LRRC14: variants seen among roughly 807,000 people sequenced by gnomAD.
The protein encoded by LRRC14 is leucine-rich repeat-containing protein 14.
Under a neutral mutation model 25.3 loss-of-function variants are expected in LRRC14, and 16 were observed. That is an observed-to-expected ratio of 0.63 (90% CI 0.43 to 0.96). LRRC14 has a LOEUF of 0.96. LRRC14 is among the 40% of genes least tolerant of loss of function. The probability of loss-of-function intolerance (pLI) is 0.00; values close to 1 mark genes in which losing one functional copy is unlikely to be tolerated. For missense variants in LRRC14, 594 were observed against 660.5 expected, an observed-to-expected ratio of 0.90 and a Z score of 1.10; for synonymous variants, 359 against 295.1, an observed-to-expected ratio of 1.22 and a Z score of -2.22.
In LRRC14 at chr8:144,524,119, G is replaced by A; in HGVS notation, c.*2641G>A. 1 of 1,600,620 alleles carries A rather than the reference G, an allele frequency of 6.2e-7. No homozygotes were observed. The highest frequency in any genetic ancestry group is 8.5e-7 in the Non-Finnish European group (1 of 1,171,014). On this transcript the variant is annotated 3_prime_UTR_variant, in exon 4 of 4. Coordinates refer to ENST00000292524, the MANE Select transcript of LRRC14 (RefSeq NM_014665.4). ...TCCGAGGAAGAGGTACCTGTGAGGC[G>A]CAGGACTTGCAGACTGGCCAGGGGC... is the stretch of plus-strand genomic sequence containing the variant.
At chr8:144,519,315 G>A in intron 1 of LRRC14, 1 of 278,048 alleles carries the variant, frequency 3.6e-6, no homozygotes, top group South Asian at 4.3e-5. Flanking sequence ...GAGAGTCCTG[G>A]GCTTTATTCA....
chr8:144,517,992 G>A lies in LRRC14; in HGVS notation c.-161G>A, dbSNP rs1815513012. 3.2e-6 allele frequency: 1 copy of A among 308,856 alleles called. No individual in the cohort carries two copies. Among genetic ancestry groups the A allele is most frequent in the Non-Finnish European group, 5.4e-6 (1 of 185,542 alleles). The allele number at this position is 308,856 out of a possible 1,614,324, so 19.1% of individuals were successfully genotyped here. ...GGCGCCGCGGCGCCGGGCGGGGAGCGGCGGACGGTCTAGGCGGGGCTGGAG... is the reference window on the plus strand; with the variant it reads ...GGCGCCGCGGCGCCGGGCGGGGAGCAGCGGACGGTCTAGGCGGGGCTGGAG... On this transcript the variant is annotated 5_prime_UTR_variant, in exon 1 of 4. Transcript: ENST00000292524.
chr8:144,524,954 T>C lies in LRRC14; in HGVS notation c.*3476T>C. On this transcript the variant is annotated 3_prime_UTR_variant, in exon 4 of 4. Coordinates refer to ENST00000292524, the MANE Select transcript of LRRC14 (RefSeq NM_014665.4). ...GTAGTAGCAGCAGCAGCGGCAGCAG[T>C]GCGGGGGCCCTCAGGGCCATCTCCC... 2 of 1,487,894 alleles carry C rather than the reference T, an allele frequency of 1.3e-6. No individual in the cohort carries two copies. The highest frequency in any genetic ancestry group is 1.2e-5 in the South Asian group (1 of 80,072). The allele number at this position is 1,487,894 out of a possible 1,614,324, so 92.2% of individuals were successfully genotyped here.
chr8:144,524,518 G>A lies in LRRC14; in HGVS notation c.*3040G>A. ...AGGTAGAGCACGCGCAGCTGGGCCA[G>A]GCCTACGAAGGCGCCGCTGCGCAAG... On this transcript the variant is annotated 3_prime_UTR_variant, in exon 4 of 4. Coordinates refer to ENST00000292524, the MANE Select transcript of LRRC14 (RefSeq NM_014665.4). The A allele has an allele frequency of 6.3e-7, 1 of 1,593,134 alleles. No individual in the cohort carries two copies. Among genetic ancestry groups the A allele is most frequent in the Non-Finnish European group, 8.5e-7 (1 of 1,177,906 alleles).
At chr8:144,520,887 C>T in intron 3 of LRRC14, 24 bp from the exon 4 acceptor site, 1 of 1,599,632 alleles carries the variant, frequency 6.3e-7, no homozygotes, top group Non-Finnish European at 8.5e-7. Flanking sequence ...CTCTGCCTGT[C>T]TGTGACCCCT....
Position 144,519,838 on chromosome 8 carries a change from C to T in LRRC14, c.113C>T (p.Ala38Val). Residue 38 changes from alanine (A) to valine (V), a missense_variant, in exon 2 of 4, where the codon GCC (alanine) becomes GTC (valine). Ala to Val is a moderately conservative substitution (Grantham distance 64). Transcript: ENST00000292524. ...CTCTTCCCCCTGCTGTTCAAGGTGG[C>T]CTTCATGGACAAGAAGACAGTGGTA... Reference protein sequence around the residue: ...RELFPLLFKVAFMDKKTVVLR... With the variant: ...RELFPLLFKVVFMDKKTVVLR... The T allele has an allele frequency of 6.2e-7, 1 of 1,613,570 alleles. No individual in the cohort carries two copies. The highest frequency in any genetic ancestry group is 1.1e-5 in the South Asian group (1 of 91,086).
chr8:144,518,294 C>G (rs1815579639), intron 1 of LRRC14: 1 of 152,264 alleles, frequency 6.6e-6, no homozygotes, highest in African/African-American at 2.4e-5. Flanking sequence ...GAGGAGCAGG[C>G]CCCGCTCGGG....
At position 144,522,724 on chromosome 8, in the gene LRRC14, C is replaced by T. The variant is rs761545255; in HGVS notation, c.*1246C>T. The T allele has an allele frequency of 1.9e-6, 3 of 1,593,754 alleles. No individual in the cohort carries two copies. Among genetic ancestry groups the T allele is most frequent in the Admixed American group, 3.5e-5 (2 of 57,916 alleles). ...CCGGAGGCCCCCGCGCCTTTTTTCGCCTGCGGCGCCGGCGACAGATCATGG... is the reference window on the plus strand; with the variant it reads ...CCGGAGGCCCCCGCGCCTTTTTTCGTCTGCGGCGCCGGCGACAGATCATGG... On this transcript the variant is annotated 3_prime_UTR_variant, in exon 4 of 4. Transcript: ENST00000292524.
Position 144,524,418 on chromosome 8 carries a change from C to T in LRRC14, c.*2940C>T, listed in dbSNP as rs1284406498. On this transcript the variant is annotated 3_prime_UTR_variant, in exon 4 of 4. Coordinates refer to ENST00000292524, the MANE Select transcript of LRRC14 (RefSeq NM_014665.4). ...GAGGGGCCATAATGGAGTATCCCGC[C>T]CCTTTAGACCCCAGGCGCTCACCGG... 17 of 1,596,474 alleles carry T rather than the reference C, an allele frequency of 1.1e-5. No individual in the cohort carries two copies. Among genetic ancestry groups the T allele is most frequent in the African/African-American group, 1.3e-5 (1 of 74,816 alleles).
rs1037138036 is a variant in LRRC14 at position 144,523,053 on chromosome 8, C to T, written c.*1575C>T. 8 of 1,603,680 alleles carry T rather than the reference C, an allele frequency of 5.0e-6. No individual in the cohort carries two copies. Among genetic ancestry groups the T allele is most frequent in the African/African-American group, 1.3e-5 (1 of 74,592 alleles). ...AGCATGCCGCTGCCCGTGTCGGATG[C>T]CGAGTGTCCGCCCAGGCCCAGCAAC... On this transcript the variant is annotated 3_prime_UTR_variant, in exon 4 of 4. Coordinates refer to ENST00000292524, the MANE Select transcript of LRRC14 (RefSeq NM_014665.4).
rs1815810776 is a variant in LRRC14 at position 144,519,443 on chromosome 8, G to C, written c.-111-172G>C. ...AGCATACCCAAGCAAGCGAGTTGTTGACGATGCCACACTGCTTGACGCTTA... is the reference window on the plus strand; with the variant it reads ...AGCATACCCAAGCAAGCGAGTTGTTCACGATGCCACACTGCTTGACGCTTA... On this transcript the variant is annotated intron_variant, in intron 1 of 3. Coordinates refer to ENST00000292524, the MANE Select transcript of LRRC14 (RefSeq NM_014665.4). 1.5e-5 allele frequency: 8 copies of C among 536,424 alleles called. No homozygotes were observed. The South Asian group carries it at 1.8e-4, about 12-fold the overall frequency. The allele number at this position is 536,424 out of a possible 1,614,324, so 33.2% of individuals were successfully genotyped here.
chr8:144,520,867 C>T (rs1470192448), intron 3 of LRRC14, 44 bp from the exon 4 acceptor site: 2 of 1,594,130 alleles, frequency 1.3e-6, no homozygotes, highest in African/African-American at 1.3e-5. Flanking sequence ...TCTGTAGGGA[C>T]CCTCCCTGGC....
In LRRC14 at chr8:144,524,100, G is replaced by A; in HGVS notation, c.*2622G>A. ...GGCCCAGACAGAGACGCTTTCCGAG[G>A]AAGAGGTACCTGTGAGGCGCAGGAC... On this transcript the variant is annotated 3_prime_UTR_variant, in exon 4 of 4. Coordinates refer to ENST00000292524, the MANE Select transcript of LRRC14 (RefSeq NM_014665.4). 6.3e-7 allele frequency: 1 copy of A among 1,592,846 alleles called. No homozygotes were observed. Among genetic ancestry groups the A allele is most frequent in the Non-Finnish European group, 8.6e-7 (1 of 1,165,150 alleles).
rs1198662387 is a variant in LRRC14 at position 144,524,744 on chromosome 8, G to A, written c.*3266G>A. The stretch of plus-strand genomic sequence containing the variant: ...TCTGCAGGCCGGGGAAAGAGGAGGC[G>A]CTTACCCCGTTGCGGGGGTCTTCCT... On this transcript the variant is annotated 3_prime_UTR_variant, in exon 4 of 4. Transcript: ENST00000292524. 6.9e-7 allele frequency: 1 copy of A among 1,440,380 alleles called. No homozygotes were observed. The highest frequency in any genetic ancestry group is 9.1e-7 in the Non-Finnish European group (1 of 1,102,890). 89.2% of individuals were successfully genotyped at this position (1,440,380 alleles called of 1,614,324 possible).
rs1378814634 is a variant in LRRC14 at position 144,522,695 on chromosome 8, T to C, written c.*1217T>C. 1.3e-6 allele frequency: 2 copies of C among 1,595,622 alleles called. No individual in the cohort carries two copies. The highest frequency in any genetic ancestry group is 1.1e-5 in the South Asian group (1 of 88,688). On this transcript the variant is annotated 3_prime_UTR_variant, in exon 4 of 4. Coordinates refer to ENST00000292524, the MANE Select transcript of LRRC14 (RefSeq NM_014665.4). ...GTAGTCGTTGACGAACAGCGCTCCC[T>C]CCCCCGGAGGCCCCCGCGCCTTTTT... is the stretch of plus-strand genomic sequence containing the variant.
chr8:144,521,143 T>C lies in LRRC14; in HGVS notation c.1147T>C (p.Leu383=), dbSNP rs1400148016. 6.2e-7 allele frequency: 1 copy of C among 1,613,114 alleles called. No homozygotes were observed. Among genetic ancestry groups the C allele is most frequent in the Admixed American group, 1.7e-5 (1 of 60,022 alleles). ...GTGTCAGCTCGCAGACACCCAGCTGTTGGCCACACTACCCATCCTGACTCA... is the reference window on the plus strand; with the variant it reads ...GTGTCAGCTCGCAGACACCCAGCTGCTGGCCACACTACCCATCCTGACTCA... The part of the protein sequence containing the change: ...TECQLADTQL[L]ATLPILTQCA... Residue 383 remains leucine, a synonymous_variant, in exon 4 of 4, where the codon TTG becomes CTG. Transcript: ENST00000292524.
At position 144,523,098 on chromosome 8, in the gene LRRC14, G is replaced by A; in HGVS notation, c.*1620G>A. 1 of 1,609,022 alleles carries A rather than the reference G, an allele frequency of 6.2e-7. No homozygotes were observed. Among genetic ancestry groups the A allele is most frequent in the Non-Finnish European group, 8.5e-7 (1 of 1,179,494 alleles). ...AGCAACCCGCCTTCTAGCTGGGCCT[G>A]GGCTCGCGGCCGGCCCTCGCGAGGC... is the stretch of plus-strand genomic sequence containing the variant. On this transcript the variant is annotated 3_prime_UTR_variant, in exon 4 of 4. Coordinates refer to ENST00000292524, the MANE Select transcript of LRRC14 (RefSeq NM_014665.4).
rs377210545 is a variant in LRRC14 at position 144,523,095 on chromosome 8, C to T, written c.*1617C>T. The T allele has an allele frequency of 1.5e-5, 24 of 1,608,796 alleles. No individual in the cohort carries two copies. The highest frequency in any genetic ancestry group is 2.0e-5 in the Non-Finnish European group (23 of 1,179,466). Reference sequence around the variant, plus strand: ...CCCAGCAACCCGCCTTCTAGCTGGGCCTGGGCTCGCGGCCGGCCCTCGCGA... The same window carrying T: ...CCCAGCAACCCGCCTTCTAGCTGGGTCTGGGCTCGCGGCCGGCCCTCGCGA... On this transcript the variant is annotated 3_prime_UTR_variant, in exon 4 of 4. Coordinates refer to ENST00000292524, the MANE Select transcript of LRRC14 (RefSeq NM_014665.4).
At chr8:144,520,097 G>A (rs747099741) in intron 2 of LRRC14, 43 bp downstream of exon 2, 4 of 1,582,578 alleles carry the variant, frequency 2.5e-6, no homozygotes, top group Non-Finnish European at 3.4e-6. Context: ...GGGTGTGTAA[G>A]TGGGTCCCCT....
Sources: gnomAD v4.1 joint callset for allele counts on GRCh38, gnomAD v4.1.1 for gene constraint, MANE v1.5 for transcripts, NCBI Gene and HGNC (gene_info 2026-07-23, HGNC 2026-07-21) for gene names.